CRTC1: variants seen among roughly 807,000 people sequenced by gnomAD.
CRTC1 encodes the protein CREB-regulated transcription coactivator 1.
CRTC1 carries 18 observed loss-of-function variants against 66.1 expected under a neutral mutation model. The ratio of observed to expected loss-of-function variants is 0.27; its 90% CI spans 0.19 to 0.40. The LOEUF (loss-of-function observed/expected upper bound fraction) is 0.40. Among genes scored for constraint, CRTC1 ranks in the 10% least tolerant of loss-of-function variants. The pLI is 1.00. For synonymous variants in CRTC1, 416 were observed against 398.8 expected (o/e 1.04, Z -0.51); for missense variants, 669 against 887.9 (o/e 0.75, Z 3.13).
At chr19:18,697,190 GA>G (rs2053011844) in intron 1 of CRTC1, among the ~76,000 whole-genome samples, 1 of 152,120 alleles carries the variant, frequency 6.6e-6, no homozygotes, top group Non-Finnish European at 1.5e-5. Context: ...AACTGGAAAC[GA>G]AGCATGGCCG....
At chr19:18,709,775 G>A (rs1411433839) in intron 1 of CRTC1, among the ~76,000 whole-genome samples, 4 of 152,182 alleles carry the variant, frequency 2.6e-5, no homozygotes, top group Non-Finnish European at 4.4e-5. Flanking sequence ...GTTAGGACCT[G>A]AGGGCTCCGA....
chr19:18,731,915 C>A (rs2053898843), intron 1 of CRTC1, among the ~76,000 whole-genome samples: 1 of 152,216 alleles, frequency 6.6e-6, no homozygotes, highest in African/African-American at 2.4e-5. Context: ...CTCTCCTCAC[C>A]CACCCTGCAC....
chr19:18,744,295 C>T (rs568301556), intron 2 of CRTC1: 44 of 740,368 alleles, frequency 5.9e-5, no homozygotes, highest in Non-Finnish European at 8.1e-5. Context: ...GTGTCCCGTC[C>T]GCCAAATGGA....
At chr19:18,738,618 A>C (rs942876448) in intron 1 of CRTC1, among the ~76,000 whole-genome samples, 1 of 152,164 alleles carries the variant, frequency 6.6e-6, no homozygotes, top group Non-Finnish European at 1.5e-5. Flanking sequence ...CCTGGCCAAC[A>C]TGGCGAAACC....
chr19:18,729,520 G>T (rs940476466), intron 1 of CRTC1, among the ~76,000 whole-genome samples: 1 of 151,842 alleles, frequency 6.6e-6, no homozygotes, highest in Non-Finnish European at 1.5e-5. Flanking sequence ...CGAGTCAGGA[G>T]GATCATTGGA....
chr19:18,767,477 G>A (rs1468825018), intron 9 of CRTC1, among the ~76,000 whole-genome samples: 1 of 152,188 alleles, frequency 6.6e-6, no homozygotes, highest in African/African-American at 2.4e-5. Flanking sequence ...GGGATTGCAG[G>A]TGTGAGCCAC....
intron 1 of CRTC1, among the ~76,000 whole-genome samples, chr19:18,688,218 C>T (rs1054716931): frequency 2.6e-5 from 4 of 152,000 alleles, no homozygotes; most frequent in East Asian, 1.9e-4. Context: ...GGCTCAGCCA[C>T]GTGCTAGGAG....
intron 1 of CRTC1, among the ~76,000 whole-genome samples, chr19:18,705,694 T>C (rs917807122): frequency 4.6e-5 from 7 of 152,336 alleles, no homozygotes; most frequent in Admixed American, 4.6e-4. Flanking sequence ...CTACCAACAG[T>C]GTATAAGGAT....
intron 1 of CRTC1, among the ~76,000 whole-genome samples, chr19:18,697,984 G>A (rs962843761): frequency 6.6e-6 from 1 of 152,166 alleles, no homozygotes; most frequent in African/African-American, 2.4e-5. Flanking sequence ...CAGGCTAATG[G>A]TATGTACTCA....
intron 1 of CRTC1, among the ~76,000 whole-genome samples, chr19:18,735,921 T>TCCACTGAACCTAGAACCATGC (rs1357900412): frequency 6.6e-6 from 1 of 152,172 alleles, no homozygotes; most frequent in Non-Finnish European, 1.5e-5. Flanking sequence ...GGCTGCCATG[T>TCCACTGAACCTAGAACCATGC]CCACTGAACC....
intron 9 of CRTC1, among the ~76,000 whole-genome samples, chr19:18,766,149 T>G (rs917648538): frequency 4.0e-5 from 6 of 151,710 alleles, no homozygotes; most frequent in Non-Finnish European, 7.4e-5. Flanking sequence ...TAAGACGAAG[T>G]TTTGCTCTGT....
In CRTC1 at chr19:18,751,317, T is replaced by G. The variant is rs549093138; in HGVS notation, c.538+1442T>G. Among the ~76,000 whole-genome samples the G allele has an allele frequency of 7.3e-4, 110 of 150,868 alleles. No homozygotes were observed. In the Middle Eastern group the frequency reaches 0.01, roughly 14 times the overall value. ...GGTGGGTGGATCACAAGGCCAGGAG[T>G]TTGAGACCAGCCTGGGCAACATAGT... is the stretch of plus-strand genomic sequence containing the variant. On this transcript the variant is annotated intron_variant, in intron 5 of 13. Coordinates refer to ENST00000321949, the MANE Select transcript of CRTC1 (RefSeq NM_015321.3).
Position 18,741,324 on chromosome 19 carries a change from C to A in CRTC1, c.127-1586C>A, listed in dbSNP as rs2054106136. On this transcript the variant is annotated intron_variant, in intron 1 of 13. Transcript: ENST00000321949. This position sits in a 1 kb window ranked among gnomAD's most constrained non-coding sequence, Gnocchi z 4.2. Reference sequence around the variant, plus strand: ...CTGGCAGCTCAGCCCGTGTAGAAAGCACATGTGGCATGAGTACCTGCTGTG... The same window carrying A: ...CTGGCAGCTCAGCCCGTGTAGAAAGAACATGTGGCATGAGTACCTGCTGTG... Among the ~76,000 whole-genome samples the A allele has an allele frequency of 6.6e-6, 1 of 152,224 alleles. No homozygotes were observed. The highest frequency in any genetic ancestry group is 1.5e-5 in the Non-Finnish European group (1 of 68,038).
At chr19:18,775,885 CAG>C (rs1299276801) in intron 13 of CRTC1, 64 bp downstream of exon 13, 18 of 1,464,366 alleles carry the variant, frequency 1.2e-5, no homozygotes, top group Non-Finnish European at 1.6e-5. Context: ...CGGAGACAGC[CAG>C]AGACTGCTGT....
Position 18,728,815 on chromosome 19 carries a change from C to CTTTTTTT in CRTC1, c.127-14086_127-14080dup, listed in dbSNP as rs35465891. On this transcript the variant is annotated intron_variant, in intron 1 of 13. Coordinates refer to ENST00000321949, the MANE Select transcript of CRTC1 (RefSeq NM_015321.3). ...ACAGGTGTGAGCCACCTCACCTGGC[C>CTTTTTTT]TTTTTTTTTTTTTTTGAGACAGAGT... is the stretch of plus-strand genomic sequence containing the variant. Among the ~76,000 whole-genome samples the CTTTTTTT allele has an allele frequency of 1.1e-3, 87 of 79,378 alleles. 8 individuals are homozygous for CTTTTTTT. The highest frequency in any genetic ancestry group is 3.0e-3 in the African/African-American group (51 of 16,942). 52.1% of individuals were successfully genotyped at this position (79,378 alleles called of 152,430 possible).
At chr19:18,767,752 C>T (rs577515576) in intron 9 of CRTC1, among the ~76,000 whole-genome samples, 13 of 152,342 alleles carry the variant, frequency 8.5e-5, no homozygotes, top group African/African-American at 3.1e-4. Flanking sequence ...TGCCCCTTCC[C>T]TCTATCTGGA....
chr19:18,690,320 T>G (rs1296995638), intron 1 of CRTC1, among the ~76,000 whole-genome samples: 6 of 152,094 alleles, frequency 3.9e-5, no homozygotes, highest in Non-Finnish European at 7.4e-5. Context: ...AGCGCAGTGG[T>G]GGCTCAGGTT....
intron 1 of CRTC1, among the ~76,000 whole-genome samples, chr19:18,720,368 T>C (rs2053597597): frequency 6.6e-6 from 1 of 151,922 alleles, no homozygotes. Context: ...TTTCTTTTTT[T>C]TGAGACAGTC....
In CRTC1 at chr19:18,777,098, C is replaced by T. The variant is rs1568546056; in HGVS notation, c.1694-73C>T. The T allele has an allele frequency of 3.5e-6, 3 of 865,854 alleles. No individual in the cohort carries two copies. Among genetic ancestry groups the T allele is most frequent in the Non-Finnish European group, 1.9e-6 (1 of 526,384 alleles). 53.6% of individuals were successfully genotyped at this position (865,854 alleles called of 1,614,324 possible). ...GGACAGAGTCGCCCGGCGGGCATGC[C>T]TGGTCCGACACATGGATGCGAGCGA... On this transcript the variant is annotated intron_variant, in intron 13 of 13. Coordinates refer to ENST00000321949, the MANE Select transcript of CRTC1 (RefSeq NM_015321.3). This position sits in a 1 kb window ranked among gnomAD's most constrained non-coding sequence, Gnocchi z 5.5.
Sources: allele counts gnomAD v4.1 joint callset (sites outside exome capture counted in the v4.1 genomes callset), GRCh38; gene constraint gnomAD v4.1.1; non-coding constraint Gnocchi (gnomAD v3.1); transcripts MANE v1.5; gene names NCBI Gene and HGNC (gene_info 2026-07-23, HGNC 2026-07-21).